OSMR: variants seen among roughly 807,000 people sequenced by gnomAD.
OSMR encodes the protein oncostatin M receptor.
A neutral mutation model predicts 99.9 loss-of-function variants in OSMR; 81 were observed. The ratio of observed to expected loss-of-function variants is 0.81; its 90% CI spans 0.68 to 0.97. The LOEUF is 0.97. OSMR is among the 50% of genes least tolerant of loss of function. The probability of loss-of-function intolerance (pLI) is 0.00; values close to 1 mark genes in which losing one functional copy is unlikely to be tolerated. For missense variants in OSMR, 1,099 were observed against 1,153.4 expected (o/e 0.95, Z 0.68); for synonymous variants, 406 against 410.4 (o/e 0.99, Z 0.13).
intron 7 of OSMR, among the ~76,000 whole-genome samples, chr5:38,889,290 C>T (rs1743999390): frequency 6.6e-6 from 1 of 151,992 alleles, no homozygotes; most frequent in Non-Finnish European, 1.5e-5. Flanking sequence ...GGAATTCCTG[C>T]TAACTCTAGA....
chr5:38,871,188 C>T (rs1742360761), intron 2 of OSMR, among the ~76,000 whole-genome samples: 1 of 152,208 alleles, frequency 6.6e-6, no homozygotes, highest in African/African-American at 2.4e-5. Context: ...AAGCTTTCAG[C>T]CCAGCTCATT....
chr5:38,917,531 T>A lies in OSMR; in HGVS notation c.1286-15T>A. ...ACATATTGTGACTCAAGAACTTTTC[T>A]TTGGTTAATTTCAGCTCCCTCAGAG... On this transcript the variant is annotated splice_polypyrimidine_tract_variant and intron_variant, in intron 9 of 17. Coordinates refer to ENST00000274276, the MANE Select transcript of OSMR (RefSeq NM_003999.3). 6.2e-7 allele frequency: 1 copy of A among 1,612,636 alleles called. No individual in the cohort carries two copies. The highest frequency in any genetic ancestry group is 1.3e-5 in the African/African-American group (1 of 75,012).
chr5:38,855,902 C>G (rs1018279583), intron 1 of OSMR, among the ~76,000 whole-genome samples: 1 of 152,172 alleles, frequency 6.6e-6, no homozygotes, highest in Admixed American at 6.5e-5. Context: ...TTTGCCTGCT[C>G]TGTTCTGCCT....
chr5:38,905,058 A>C (rs151119212), intron 9 of OSMR, among the ~76,000 whole-genome samples: 16 of 152,194 alleles, frequency 1.1e-4, no homozygotes, highest in African/African-American at 3.6e-4. Context: ...GCCTCAGGAG[A>C]TTTGATGGCC....
At chr5:38,925,503 T>C in intron 15 of OSMR, 132 bp downstream of exon 15, 1 of 787,048 alleles carries the variant, frequency 1.3e-6, no homozygotes, top group South Asian at 1.4e-5. Context: ...ACCTCCCTCT[T>C]TCTCTTGATG....
chr5:38,918,589 A>T (rs937071211), intron 10 of OSMR: 2 of 224,878 alleles, frequency 8.9e-6, no homozygotes, highest in Admixed American at 6.5e-5. Flanking sequence ...TGACCTGAGC[A>T]CTCTTCTCAG....
chr5:38,869,015 T>TA lies in OSMR; in HGVS notation c.-13-15dup. 6.2e-7 allele frequency: 1 copy of TA among 1,612,170 alleles called. No individual in the cohort carries two copies. The highest frequency in any genetic ancestry group is 1.1e-5 in the South Asian group (1 of 90,632). ...AAATTAAATAAAATTTTCCTTCTTATAATTTATCTTTTTCAGAAAACCAGA... is the reference window on the plus strand; with the variant it reads ...AAATTAAATAAAATTTTCCTTCTTATAAATTTATCTTTTTCAGAAAACCAGA... On this transcript the variant is annotated splice_polypyrimidine_tract_variant and intron_variant, in intron 1 of 17. Coordinates refer to ENST00000274276, the MANE Select transcript of OSMR (RefSeq NM_003999.3).
downstream of OSMR, among the ~76,000 whole-genome samples, chr5:38,937,533 A>AGTAGGTAGCT (rs1452809642): frequency 6.6e-6 from 1 of 152,212 alleles, no homozygotes; most frequent in Non-Finnish European, 1.5e-5. This position sits in a 1 kb window ranked among gnomAD's most constrained non-coding sequence, Gnocchi z 4.0. Flanking sequence ...CTCTTTTGCC[A>AGTAGGTAGCT]GTAGGTAGCT....
chr5:38,883,400 T>G (rs1482228445), intron 4 of OSMR, among the ~76,000 whole-genome samples: 1 of 152,256 alleles, frequency 6.6e-6, no homozygotes, highest in African/African-American at 2.4e-5. Flanking sequence ...GAATGTGGCT[T>G]TGCCACTTTC....
chr5:38,936,915 TTGAG>T (rs1313460041), downstream of OSMR, among the ~76,000 whole-genome samples: 2 of 152,394 alleles, frequency 1.3e-5, no homozygotes, highest in South Asian at 2.1e-4. Context: ...TACCGTATTT[TTGAG>T]TATTTTATAT....
chr5:38,928,731 C>T (rs1357704017), intron 15 of OSMR, among the ~76,000 whole-genome samples: 3 of 152,184 alleles, frequency 2.0e-5, no homozygotes, highest in Non-Finnish European at 4.4e-5. Flanking sequence ...TGCATGTTGA[C>T]TACTACACTG....
chr5:38,850,814 C>A (rs1415056610), intron 1 of OSMR, among the ~76,000 whole-genome samples: 1 of 152,236 alleles, frequency 6.6e-6, no homozygotes, highest in Non-Finnish European at 1.5e-5. Context: ...CCTCTTTCTA[C>A]TTTCAATCTC....
intron 9 of OSMR, among the ~76,000 whole-genome samples, chr5:38,910,472 C>T (rs1033273072): frequency 2.6e-5 from 4 of 152,088 alleles, no homozygotes; most frequent in African/African-American, 9.7e-5. Flanking sequence ...TAAAACAATC[C>T]TCAGCAAATT....
intron 9 of OSMR, 122 bp downstream of exon 9, chr5:38,904,625 C>T: frequency 8.1e-7 from 1 of 1,230,582 alleles, no homozygotes; most frequent in Non-Finnish European, 1.2e-6. Flanking sequence ...GGCGGGGTAG[C>T]ATTTAAAAAA....
intron 1 of OSMR, among the ~76,000 whole-genome samples, chr5:38,863,757 C>T (rs1741705969): frequency 6.6e-6 from 1 of 152,150 alleles, no homozygotes; most frequent in Non-Finnish European, 1.5e-5. Flanking sequence ...GAAAGGGATA[C>T]TGAAATCCCT....
intron 9 of OSMR, among the ~76,000 whole-genome samples, chr5:38,905,012 T>C (rs1431352354): frequency 6.6e-6 from 1 of 152,218 alleles, no homozygotes. Context: ...CTGCAAACTT[T>C]TCCTGCTAAA....
At chr5:38,914,295 G>A (rs959144667) in intron 9 of OSMR, among the ~76,000 whole-genome samples, 5 of 152,140 alleles carry the variant, frequency 3.3e-5, no homozygotes, top group East Asian at 1.9e-4. Flanking sequence ...TCTCTTGAGC[G>A]TCTCTGTGCA....
At chr5:38,944,122 C>A in intron 1 of OSMR, 1 of 430,390 alleles carries the variant, frequency 2.3e-6, no homozygotes, top group Non-Finnish European at 4.5e-6. Flanking sequence ...TACATGTTAA[C>A]ATGTATTTTA....
intron 1 of OSMR, among the ~76,000 whole-genome samples, chr5:38,865,127 A>G (rs1475833273): frequency 6.6e-6 from 1 of 152,178 alleles, no homozygotes; most frequent in Non-Finnish European, 1.5e-5. Flanking sequence ...TAATGATATC[A>G]TTCAGATATG....
Sources: allele counts gnomAD v4.1 joint callset (sites outside exome capture counted in the v4.1 genomes callset), GRCh38; gene constraint gnomAD v4.1.1; non-coding constraint Gnocchi (gnomAD v3.1); transcripts MANE v1.5; gene names NCBI Gene and HGNC (gene_info 2026-07-23, HGNC 2026-07-21).